Variants in ZKSCAN5 observed in about 807,000 individuals in gnomAD.
ZKSCAN5 encodes the protein zinc finger with KRAB and SCAN domains 5.
Under a neutral mutation model 60.0 loss-of-function variants are expected in ZKSCAN5, and 28 were observed. That is an observed-to-expected ratio of 0.47 (90% CI 0.35 to 0.64). ZKSCAN5 has a LOEUF of 0.64. Among genes scored for constraint, ZKSCAN5 ranks in the 30% least tolerant of loss-of-function variants. The pLI is 0.01. For missense variants in ZKSCAN5, 881 were observed against 1,034.6 expected (o/e 0.85, Z 2.04); for synonymous variants, 361 against 371.2 (o/e 0.97, Z 0.31).
Position 99,506,448 on chromosome 7 carries a change from G to C in ZKSCAN5, c.404G>C (p.Arg135Pro), listed in dbSNP as rs770298462. Reference sequence around the variant, plus strand: ...AATATACAGCGAGAACTTGAGGAACGCAGACAGCAGGTGAGTCAAAGAGAA... The same window carrying C: ...AATATACAGCGAGAACTTGAGGAACCCAGACAGCAGGTGAGTCAAAGAGAA... ...IENIQRELEERRQQIVACPDV... is the reference protein window; with the variant it reads ...IENIQRELEEPRQQIVACPDV... Residue 135 changes from arginine (R) to proline (P), a missense_variant, in exon 2 of 7, where the codon CGC (arginine) becomes CCC (proline). This residue lies in a region of ZKSCAN5 where 490 missense variants were observed against 554.5 expected (regional missense o/e 0.88). Coordinates refer to ENST00000326775, the MANE Select transcript of ZKSCAN5 (RefSeq NM_145102.4). 6 of 1,610,368 alleles carry C rather than the reference G, an allele frequency of 3.7e-6. No homozygotes were observed. The East Asian group carries it at 1.1e-4, about 30-fold the overall frequency.
chr7:99,519,490 A>T (rs533694480), intron 3 of ZKSCAN5, among the ~76,000 whole-genome samples: 1 of 151,820 alleles, frequency 6.6e-6, no homozygotes, highest in Non-Finnish European at 1.5e-5. Context: ...GTTGGCCAGG[A>T]TGGCCTTGAA....
rs143921303 is a variant in ZKSCAN5, at chr7:99,532,703, C to T, written c.*454C>T. 178 of 157,678 alleles carry T rather than the reference C, an allele frequency of 1.1e-3. No individual in the cohort carries two copies. The highest frequency in any genetic ancestry group is 1.0e-3 in the Non-Finnish European group (73 of 71,688). 9.8% of individuals were successfully genotyped at this position (157,678 alleles called of 1,614,324 possible). A position where few individuals can be genotyped will look rare whatever the true frequency, so the allele number is the denominator to read the frequency against. On this transcript the variant is annotated 3_prime_UTR_variant, in exon 7 of 7. Transcript: ENST00000326775. ...CATGATGTCTGTTTTGGTACCTCAGCAATGAACCTTTTCTAGAAATTATTA... is the reference window on the plus strand; with the variant it reads ...CATGATGTCTGTTTTGGTACCTCAGTAATGAACCTTTTCTAGAAATTATTA...
At chr7:99,509,508 C>G (rs1584166963) in intron 2 of ZKSCAN5, among the ~76,000 whole-genome samples, 1 of 151,622 alleles carries the variant, frequency 6.6e-6, no homozygotes, top group Admixed American at 6.6e-5. Flanking sequence ...ACTCTGTTGC[C>G]TAGGCTGGAG....
chr7:99,520,247 C>G lies in ZKSCAN5; in HGVS notation c.715C>G (p.Gln239Glu). The change falls in exon 5 of 7, where the codon CAG becomes GAG. Residue 239 changes from glutamine to glutamate, a missense_variant. Transcript: ENST00000326775. The part of the protein sequence containing the change: ...LEEWGHLDQS[Q>E]KSLYRDDRKE... ...GGAATGGGGGCATTTGGACCAGTCC[C>G]AGAAGTCCCTTTATAGGGATGACAG... 1 of 1,614,066 alleles carries G rather than the reference C, an allele frequency of 6.2e-7. No homozygotes were observed. The highest frequency in any genetic ancestry group is 1.1e-5 in the South Asian group (1 of 91,074).
In ZKSCAN5 at chr7:99,533,090, TA is replaced by T. The variant is rs1359871084; in HGVS notation, c.*844del. On this transcript the variant is annotated 3_prime_UTR_variant, in exon 7 of 7. Coordinates refer to ENST00000326775, the MANE Select transcript of ZKSCAN5 (RefSeq NM_145102.4). ...TATTACCCACAGGAATGAGGGCAGC[TA>T]AACCCATAGAAGGAGTTGGACCAAG... 2 of 341,354 alleles carry T rather than the reference TA, an allele frequency of 5.9e-6. No individual in the cohort carries two copies. The highest frequency in any genetic ancestry group is 1.2e-5 in the Non-Finnish European group (2 of 161,442). The allele number at this position is 341,354 out of a possible 1,614,324, so 21.1% of individuals were successfully genotyped here.
At chr7:99,525,117 G>C (rs1230740031) in intron 5 of ZKSCAN5, among the ~76,000 whole-genome samples, 1 of 151,130 alleles carries the variant, frequency 6.6e-6, no homozygotes, top group African/African-American at 2.4e-5. Flanking sequence ...AGTCAGCCGA[G>C]ATCGCGCCAC....
intron 5 of ZKSCAN5, among the ~76,000 whole-genome samples, chr7:99,524,939 C>A (rs528102083): frequency 6.7e-6 from 1 of 150,228 alleles, no homozygotes. Context: ...GAGGCCGAGG[C>A]GGGCAGATCA....
At position 99,531,210 on chromosome 7, in the gene ZKSCAN5, T is replaced by A; in HGVS notation, c.1481T>A (p.Val494Asp). Residue 494 changes from valine to aspartate, a missense_variant, in exon 7 of 7, where the codon GTT (valine) becomes GAT (aspartate). Val to Asp is a radical substitution (Grantham distance 152). This residue lies in a region of ZKSCAN5 where 490 missense variants were observed against 554.5 expected (regional missense o/e 0.88). Transcript: ENST00000326775. ...MELSGKTQRN[V>D]SQVQDFGEGC... ...CTATCTGGAAAAACCCAAAGAAATGTTTCTCAAGTTCAAGATTTTGGAGAA... is the reference window on the plus strand; with the variant it reads ...CTATCTGGAAAAACCCAAAGAAATGATTCTCAAGTTCAAGATTTTGGAGAA... 6.2e-7 allele frequency: 1 copy of A among 1,614,154 alleles called. No individual in the cohort carries two copies. Among genetic ancestry groups the A allele is most frequent in the Non-Finnish European group, 8.5e-7 (1 of 1,180,042 alleles).
At chr7:99,513,547 C>T (rs1801136763) in intron 3 of ZKSCAN5, among the ~76,000 whole-genome samples, 1 of 151,984 alleles carries the variant, frequency 6.6e-6, no homozygotes. Context: ...GTGCCTGCCA[C>T]CATGCCCAGC....
At position 99,532,066 on chromosome 7, in the gene ZKSCAN5, C is replaced by T; in HGVS notation, c.2337C>T (p.Gly779=). ...AATCCCATCAATGTCATGAATGTGG[C>T]AGAGGCTTCACTCTGAAGTCACATC... The part of the protein sequence containing the change: ...STKSHQCHEC[G]RGFTLKSHLN... Residue 779 remains glycine, a synonymous_variant, in exon 7 of 7, where the codon GGC becomes GGT. Coordinates refer to ENST00000326775, the MANE Select transcript of ZKSCAN5 (RefSeq NM_145102.4). The T allele has an allele frequency of 6.2e-7, 1 of 1,614,166 alleles. No homozygotes were observed. The highest frequency in any genetic ancestry group is 8.5e-7 in the Non-Finnish European group (1 of 1,180,028).
At chr7:99,526,611 G>T (rs1186880865) in intron 6 of ZKSCAN5, among the ~76,000 whole-genome samples, 193 bp downstream of exon 6, 1 of 152,184 alleles carries the variant, frequency 6.6e-6, no homozygotes, top group Non-Finnish European at 1.5e-5. Context: ...CTGGAGTGCA[G>T]TGGCGAGATC....
intron 6 of ZKSCAN5, among the ~76,000 whole-genome samples, chr7:99,527,984 G>A (rs546152969): frequency 5.3e-5 from 8 of 151,868 alleles, no homozygotes; most frequent in Non-Finnish European, 7.4e-5. Flanking sequence ...CTACCATGCC[G>A]GGCCAGTATT....
chr7:99,514,336 C>A (rs1022889206), intron 3 of ZKSCAN5, among the ~76,000 whole-genome samples: 8 of 152,144 alleles, frequency 5.3e-5, no homozygotes, highest in African/African-American at 1.9e-4. Flanking sequence ...TTAGAGAGTA[C>A]AGCTGTCTTT....
intron 6 of ZKSCAN5, among the ~76,000 whole-genome samples, chr7:99,528,338 T>C (rs928908279): frequency 6.6e-6 from 1 of 152,192 alleles, no homozygotes; most frequent in African/African-American, 2.4e-5. Flanking sequence ...AAAATAGTTA[T>C]CTTTTGTTTT....
intron 6 of ZKSCAN5, among the ~76,000 whole-genome samples, chr7:99,527,494 C>T (rs553923935): frequency 2.0e-5 from 3 of 152,104 alleles, no homozygotes; most frequent in African/African-American, 4.8e-5. Flanking sequence ...GTCTGTTTCA[C>T]GTAGTCGTAC....
At chr7:99,524,273 C>A (rs1584194845) in intron 5 of ZKSCAN5, among the ~76,000 whole-genome samples, 1 of 152,074 alleles carries the variant, frequency 6.6e-6, no homozygotes, top group South Asian at 2.1e-4. Context: ...AGGTTTTCAT[C>A]ATGTTGGCCA....
chr7:99,512,939 C>T (rs548463973), intron 3 of ZKSCAN5, among the ~76,000 whole-genome samples: 15 of 151,212 alleles, frequency 9.9e-5, no homozygotes, highest in African/African-American at 2.9e-4. Flanking sequence ...AACTCGTCAT[C>T]TAGCATTAGG....
chr7:99,522,393 G>A (rs1421645421), intron 5 of ZKSCAN5, among the ~76,000 whole-genome samples: 2 of 152,092 alleles, frequency 1.3e-5, no homozygotes, highest in African/African-American at 4.8e-5. Context: ...GTAGATGAAT[G>A]TAAGGACTTT....
intron 1 of ZKSCAN5, 93 bp downstream of exon 1, chr7:99,504,826 G>A (rs1800635511): frequency 6.6e-6 from 1 of 152,320 alleles, no homozygotes; most frequent in African/African-American, 2.4e-5. Flanking sequence ...GAGGTTTGCG[G>A]GCTGTCAGCA....
Sources: allele counts gnomAD v4.1 joint callset (sites outside exome capture counted in the v4.1 genomes callset), GRCh38; gene constraint gnomAD v4.1.1; regional missense constraint gnomAD v4.1.1; transcripts MANE v1.5; gene names NCBI Gene and HGNC (gene_info 2026-07-23, HGNC 2026-07-21).